MCU: variants seen among roughly 807,000 people sequenced by gnomAD.
The protein encoded by MCU is mitochondrial calcium uniporter, also known as calcium uniporter protein, mitochondrial.
A neutral mutation model predicts 45.2 loss-of-function variants in MCU; 12 were observed. That is an observed-to-expected ratio of 0.27 (90% CI 0.17 to 0.43). MCU has a LOEUF of 0.43. MCU is among the 20% of genes least tolerant of loss of function. The pLI, the probability that MCU is intolerant of heterozygous loss-of-function variation, is 1.00. For synonymous variants in MCU, 160 were observed against 165.1 expected (o/e 0.97, Z 0.24); for missense variants, 324 against 436.7 (o/e 0.74, Z 2.30).
intron 2 of MCU, among the ~76,000 whole-genome samples, chr10:72,838,454 T>C (rs1057041308): frequency 2.0e-5 from 3 of 152,038 alleles, no homozygotes; most frequent in African/African-American, 7.2e-5. Flanking sequence ...TACTAAAAAA[T>C]ACAAAAATTA....
At chr10:72,726,002 A>G (rs1249361064) in intron 1 of MCU, among the ~76,000 whole-genome samples, 1 of 152,216 alleles carries the variant, frequency 6.6e-6, no homozygotes, top group African/African-American at 2.4e-5. Flanking sequence ...GCTCCAAGAT[A>G]ACCATGTCGT....
At position 72,872,716 on chromosome 10, in the gene MCU, C is replaced by T. The variant is rs979344523; in HGVS notation, c.861+1136C>T. Among the ~76,000 whole-genome samples, 9 of 152,300 alleles carry T rather than the reference C, an allele frequency of 5.9e-5. No individual in the cohort carries two copies. In the South Asian group the frequency reaches 6.2e-4, roughly 11 times the overall value. On this transcript the variant is annotated intron_variant, in intron 6 of 7. Coordinates refer to ENST00000373053, the MANE Select transcript of MCU (RefSeq NM_138357.3). Reference sequence around the variant, plus strand: ...ATCTTAGCTATTGTGAATAGTGCTGCGGTAAACATAGGAGTGCAGATATAG... The same window carrying T: ...ATCTTAGCTATTGTGAATAGTGCTGTGGTAAACATAGGAGTGCAGATATAG...
chr10:72,834,539 G>C (rs1345819058), intron 2 of MCU, 111 bp downstream of exon 2: 1 of 815,744 alleles, frequency 1.2e-6, no homozygotes, highest in Non-Finnish European at 1.9e-6. Context: ...AGTTAAGGTG[G>C]GCTTAGGGGT....
rs74145943 is a variant in MCU at position 72,757,563 on chromosome 10, A to C, written c.150+65262A>C. On this transcript the variant is annotated intron_variant, in intron 1 of 7. Transcript: ENST00000373053. ...AAAAGTAGTTTTTTAAAAGGCCATA[A>C]AAATTGGAGTAACATCACCTAGTTC... Among the ~76,000 whole-genome samples, 1,031 of 151,522 alleles carry C rather than the reference A, an allele frequency of 6.8e-3. 15 individuals are homozygous for C. The highest frequency in any genetic ancestry group is 0.023 in the African/African-American group (972 of 41,512).
chr10:72,834,740 C>T (rs1473478348), intron 2 of MCU, among the ~76,000 whole-genome samples: 3 of 152,142 alleles, frequency 2.0e-5, no homozygotes, highest in Non-Finnish European at 4.4e-5. Context: ...CAGCTTAGTG[C>T]AGCCTCTGCC....
chr10:72,870,133 A>G lies in MCU; in HGVS notation c.658-1244A>G, dbSNP rs767242100. 9.8e-4 allele frequency among the ~76,000 whole-genome samples: 149 copies of G among 152,284 alleles called. 1 individual carries two copies. The Middle Eastern group carries it at 0.01, about 10-fold the overall frequency. ...CTTTATTTTTTTCTATGATATTTCA[A>G]TTTTAAGAAATCAGATTATAAGGAG... On this transcript the variant is annotated intron_variant, in intron 5 of 7. Coordinates refer to ENST00000373053, the MANE Select transcript of MCU (RefSeq NM_138357.3).
intron 1 of MCU, among the ~76,000 whole-genome samples, chr10:72,779,890 A>G (rs571429101): frequency 1.7e-4 from 26 of 152,332 alleles, no homozygotes; most frequent in African/African-American, 6.3e-4. Flanking sequence ...AATGTTGAAC[A>G]TGTATTTCCC....
chr10:72,705,576 G>T (rs909394413), intron 1 of MCU, among the ~76,000 whole-genome samples: 9 of 152,274 alleles, frequency 5.9e-5, no homozygotes, highest in African/African-American at 2.2e-4. Flanking sequence ...CCAGCACTTT[G>T]GGAGGCTGAG....
At chr10:72,692,475 G>A (rs113528028) in intron 1 of MCU, 174 bp downstream of exon 1, 2 of 706,908 alleles carry the variant, frequency 2.8e-6, no homozygotes, top group African/African-American at 3.8e-5. Flanking sequence ...GCGGCGACCA[G>A]GAAGGGAGGG....
At chr10:72,699,862 G>A (rs1264693558) in intron 1 of MCU, among the ~76,000 whole-genome samples, 2 of 151,966 alleles carry the variant, frequency 1.3e-5, no homozygotes, top group African/African-American at 2.4e-5. Context: ...AAAGTACTGG[G>A]GTTACAGGTG....
chr10:72,805,175 C>CTT lies in MCU; in HGVS notation c.151-29183_151-29182insTT, dbSNP rs1371108363. On this transcript the variant is annotated intron_variant, in intron 1 of 7. Transcript: ENST00000373053. ...TCTTTCTTTCTGTCTCTCTCTCTCTCTCTTTCCTTCCTTCCTTCCTTCCTT... is the reference window on the plus strand; with the variant it reads ...TCTTTCTTTCTGTCTCTCTCTCTCTCTTTCTTTCCTTCCTTCCTTCCTTCCTT... 3.2e-5 allele frequency among the ~76,000 whole-genome samples: 4 copies of CTT among 126,616 alleles called. 1 individual carries two copies. The highest frequency in any genetic ancestry group is 1.2e-4 in the African/African-American group (3 of 24,340). 83.1% of individuals were successfully genotyped at this position (126,616 alleles called of 152,430 possible).
intron 6 of MCU, among the ~76,000 whole-genome samples, chr10:72,883,184 G>A (rs184331259): frequency 2.4e-4 from 37 of 152,290 alleles, no homozygotes; most frequent in Non-Finnish European, 1.6e-4. Context: ...AAATTACAGA[G>A]GCAGAAGAAA....
intron 1 of MCU, among the ~76,000 whole-genome samples, chr10:72,799,930 T>C (rs1339775718): frequency 6.6e-6 from 1 of 152,226 alleles, no homozygotes; most frequent in Non-Finnish European, 1.5e-5. Context: ...GTTCCTATTA[T>C]TTCATTTATT....
At chr10:72,814,557 A>G (rs1199483607) in intron 1 of MCU, among the ~76,000 whole-genome samples, 1 of 152,196 alleles carries the variant, frequency 6.6e-6, no homozygotes, top group Admixed American at 6.5e-5. Flanking sequence ...AACTCACTAA[A>G]AAAAAGACAG....
intron 1 of MCU, among the ~76,000 whole-genome samples, chr10:72,729,858 C>T (rs577139407): frequency 6.6e-6 from 1 of 152,256 alleles, no homozygotes; most frequent in East Asian, 1.9e-4. Context: ...GCACTTCCCT[C>T]CCTAGCTGAT....
chr10:72,709,802 CAT>C (rs1842867421), intron 1 of MCU, among the ~76,000 whole-genome samples: 1 of 152,114 alleles, frequency 6.6e-6, no homozygotes, highest in Non-Finnish European at 1.5e-5. Flanking sequence ...TTTAGTGTAA[CAT>C]ATTACAGAAT....
intron 1 of MCU, among the ~76,000 whole-genome samples, chr10:72,710,545 T>A (rs1265952624): frequency 7.3e-6 from 1 of 136,804 alleles, no homozygotes; most frequent in African/African-American, 2.8e-5. Context: ...CACCTAAGGT[T>A]TTTTTTTTTT....
rs72292523 is a variant in MCU, at chr10:72,713,947, T to TTGTGTGTGTGTGTG, written c.150+21674_150+21687dup. Among the ~76,000 whole-genome samples the TTGTGTGTGTGTGTG allele has an allele frequency of 2.1e-3, 294 of 139,092 alleles. 1 individual carries two copies. The highest frequency in any genetic ancestry group is 7.7e-3 in the African/African-American group (283 of 36,566). 91.2% of individuals were successfully genotyped at this position (139,092 alleles called of 152,430 possible). ...TGAATTTGTTTTCCTCTTTCATCAT[T>TTGTGTGTGTGTGTG]TGTGTGTGTGTGTGTGTGTGTGTGT... is the stretch of plus-strand genomic sequence containing the variant. On this transcript the variant is annotated intron_variant, in intron 1 of 7. Transcript: ENST00000373053.
chr10:72,882,218 C>G (rs773897277), intron 6 of MCU, among the ~76,000 whole-genome samples: 1 of 152,136 alleles, frequency 6.6e-6, no homozygotes, highest in Non-Finnish European at 1.5e-5. Context: ...TATGTCACCT[C>G]AGGACCCTGT....
Sources: gnomAD v4.1 joint callset for allele counts (sites outside exome capture counted in the v4.1 genomes callset) on GRCh38, gnomAD v4.1.1 for gene constraint, MANE v1.5 for transcripts, NCBI Gene and HGNC (gene_info 2026-07-23, HGNC 2026-07-21) for gene names.